The following OLA1 variants were observed in gnomAD, a reference collection of about 807,000 sequenced individuals.
OLA1 encodes obg-like ATPase 1.
In OLA1, 14 loss-of-function variants were observed where a neutral mutation model predicts 48.4. That is an observed-to-expected ratio of 0.29 (90% CI 0.19 to 0.45). OLA1 has a LOEUF of 0.45. OLA1 is among the 20% of genes least tolerant of loss of function. The probability of loss-of-function intolerance (pLI) is 1.00; values close to 1 mark genes in which losing one functional copy is unlikely to be tolerated. For synonymous variants in OLA1, 127 were observed against 150.4 expected (o/e 0.84, Z 1.14); for missense variants, 325 against 467.1 (o/e 0.70, Z 2.80).
intron 2 of OLA1, among the ~76,000 whole-genome samples, chr2:174,234,312 T>C (rs576991196): frequency 1.5e-4 from 22 of 151,700 alleles, no homozygotes; most frequent in Non-Finnish European, 2.9e-4. Context: ...CTTAATCAAC[T>C]GTTTATGTTA....
rs887065708 is a variant in OLA1 at position 174,223,163 on chromosome 2, G to A, written c.246-3C>T. 21 of 1,613,010 alleles carry A rather than the reference G, an allele frequency of 1.3e-5. No individual in the cohort carries two copies. The highest frequency in any genetic ancestry group is 1.8e-5 in the Non-Finnish European group (21 of 1,179,500). On this transcript the variant is annotated splice_polypyrimidine_tract_variant and splice_region_variant and intron_variant, in intron 3 of 10. Coordinates refer to ENST00000284719, the MANE Select transcript of OLA1 (RefSeq NM_013341.5). ...CATTTAGAAAGGCAGGAATTTTGCT[G>A]AAAAACAAAAGATGGCTTTATTATA...
At chr2:174,189,182 A>G (rs544813826) in intron 4 of OLA1, among the ~76,000 whole-genome samples, 3 of 152,318 alleles carry the variant, frequency 2.0e-5, no homozygotes, top group African/African-American at 7.2e-5. Context: ...GTCTCAGTGC[A>G]TATAAACTGT....
chr2:174,173,661 G>C (rs1221100420), intron 4 of OLA1, among the ~76,000 whole-genome samples: 3 of 148,168 alleles, frequency 2.0e-5, no homozygotes, highest in South Asian at 2.2e-4. Flanking sequence ...AAAGATATGA[G>C]AACAAACTGG....
At chr2:174,090,285 G>C (rs1685084593) in intron 7 of OLA1, among the ~76,000 whole-genome samples, 1 of 152,296 alleles carries the variant, frequency 6.6e-6, no homozygotes, top group Admixed American at 6.5e-5. Context: ...ATAACTGGAA[G>C]GCTACCACAA....
chr2:174,186,279 A>G (rs1008756201), intron 4 of OLA1, among the ~76,000 whole-genome samples: 2 of 152,184 alleles, frequency 1.3e-5, no homozygotes, highest in African/African-American at 4.8e-5. Flanking sequence ...TAAACAAGTA[A>G]GACCAAACAC....
chr2:174,150,507 A>G (rs1018314975), intron 4 of OLA1, among the ~76,000 whole-genome samples: 15 of 152,356 alleles, frequency 9.8e-5, no homozygotes, highest in South Asian at 8.3e-4. Context: ...TAGCATGTCT[A>G]GAGTTTTCTT....
At chr2:174,217,854 T>G (rs934344391) in intron 4 of OLA1, 1 of 152,212 alleles carries the variant, frequency 6.6e-6, no homozygotes, top group South Asian at 2.1e-4. Flanking sequence ...ATAGAAAAAT[T>G]TTTAATGCTG....
At chr2:174,160,656 T>C (rs770745772) in intron 4 of OLA1, among the ~76,000 whole-genome samples, 1 of 152,226 alleles carries the variant, frequency 6.6e-6, no homozygotes, top group Non-Finnish European at 1.5e-5. Flanking sequence ...CGAGACAGCA[T>C]TTTCAAGCCG....
At chr2:174,138,304 G>A (rs1010772475) in intron 5 of OLA1, among the ~76,000 whole-genome samples, 4 of 152,170 alleles carry the variant, frequency 2.6e-5, no homozygotes, top group Non-Finnish European at 5.9e-5. Flanking sequence ...CAATTTCAAT[G>A]TTGTGTCTCA....
In OLA1 at chr2:174,136,326, C is replaced by T. The variant is rs138250718; in HGVS notation, c.549+5499G>A. ...CAATCCTCTCAAACCCCGCCACTGCCTTACCAACTAAGTGTATGTGATATT... is the reference window on the plus strand; with the variant it reads ...CAATCCTCTCAAACCCCGCCACTGCTTTACCAACTAAGTGTATGTGATATT... On this transcript the variant is annotated intron_variant, in intron 5 of 10. Transcript: ENST00000284719. 3.8e-3 allele frequency among the ~76,000 whole-genome samples: 573 copies of T among 152,326 alleles called. 1 individual carries two copies. Among genetic ancestry groups the T allele is most frequent in the Non-Finnish European group, 4.9e-3 (330 of 68,026 alleles).
At chr2:174,116,225 ATT>A (rs936174703) in intron 7 of OLA1, among the ~76,000 whole-genome samples, 1 of 152,214 alleles carries the variant, frequency 6.6e-6, no homozygotes, top group African/African-American at 2.4e-5. Flanking sequence ...TTTAAAACAC[ATT>A]TTTAAAAAGC....
chr2:174,144,949 A>T (rs868071468), intron 4 of OLA1, among the ~76,000 whole-genome samples: 6,417 of 53,306 alleles, frequency 0.12, 283 homozygotes, highest in Non-Finnish European at 0.16. Flanking sequence ...AAAAAAAAAA[A>T]AAATATATAT....
intron 5 of OLA1, among the ~76,000 whole-genome samples, chr2:174,137,573 CT>C (rs745933079): frequency 3.3e-5 from 5 of 152,218 alleles, no homozygotes; most frequent in Non-Finnish European, 7.3e-5. Flanking sequence ...CATTGAACAT[CT>C]GTTGTTTTCA....
At chr2:174,224,131 T>C (rs1195035025) in intron 3 of OLA1, among the ~76,000 whole-genome samples, 2 of 152,244 alleles carry the variant, frequency 1.3e-5, no homozygotes, top group African/African-American at 2.4e-5. Flanking sequence ...ATTATTGGCA[T>C]GGAAAATGAG....
chr2:174,233,477 G>A (rs897995490), intron 2 of OLA1, among the ~76,000 whole-genome samples: 6 of 152,124 alleles, frequency 3.9e-5, no homozygotes, highest in African/African-American at 9.7e-5. Context: ...GGGTTCAAGC[G>A]ATTCTCATGC....
At chr2:174,190,939 C>A (rs542036371) in intron 4 of OLA1, among the ~76,000 whole-genome samples, 97 of 87,572 alleles carry the variant, frequency 1.1e-3, no homozygotes, top group African/African-American at 4.4e-3. Context: ...AGCAAGACTT[C>A]GTCTCAAAAA....
At chr2:174,245,096 GA>G (rs1453419622) in intron 2 of OLA1, among the ~76,000 whole-genome samples, 1 of 152,148 alleles carries the variant, frequency 6.6e-6, no homozygotes, top group African/African-American at 2.4e-5. Context: ...TCTAGAATGA[GA>G]AGTATGTCAA....
chr2:174,129,621 A>G (rs1170485869), intron 5 of OLA1, among the ~76,000 whole-genome samples: 1 of 151,962 alleles, frequency 6.6e-6, no homozygotes, highest in Non-Finnish European at 1.5e-5. Flanking sequence ...ATAATTAGCA[A>G]TAGAAATCTC....
chr2:174,103,375 G>A (rs1316277697), intron 7 of OLA1, among the ~76,000 whole-genome samples: 1 of 152,140 alleles, frequency 6.6e-6, no homozygotes, highest in African/African-American at 2.4e-5. Context: ...ACAACGACAT[G>A]CCCATGCCCA....
Sources: gnomAD v4.1 joint callset for allele counts (sites outside exome capture counted in the v4.1 genomes callset) on GRCh38, gnomAD v4.1.1 for gene constraint, MANE v1.5 for transcripts, NCBI Gene and HGNC (gene_info 2026-07-23, HGNC 2026-07-21) for gene names.